Variants in CNTN5 observed in about 807,000 individuals in gnomAD.
The protein encoded by CNTN5 is contactin-5.
In CNTN5, 77 loss-of-function variants were observed where a neutral mutation model predicts 129.1. The observed-to-expected ratio is 0.60, with a 90% CI of 0.50 to 0.72. CNTN5 has a LOEUF of 0.72. CNTN5 is among the 30% of genes least tolerant of loss of function. The pLI, the probability that CNTN5 is intolerant of heterozygous loss-of-function variation, is 0.00. For missense variants in CNTN5, 1,478 were observed against 1,328.8 expected (o/e 1.11, Z -1.75); for synonymous variants, 509 against 465.6 (o/e 1.09, Z -1.20).
At chr11:100,298,230 A>G (rs886500442) in intron 19 of CNTN5, among the ~76,000 whole-genome samples, 4 of 151,508 alleles carry the variant, frequency 2.6e-5, no homozygotes, top group South Asian at 2.1e-4. Flanking sequence ...GAACAATGAG[A>G]AAGTATACAG....
intron 1 of CNTN5, among the ~76,000 whole-genome samples, chr11:99,209,914 A>G (rs974670576): frequency 6.6e-6 from 1 of 152,166 alleles, no homozygotes; most frequent in African/African-American, 2.4e-5. Flanking sequence ...AGACAGAGAA[A>G]TAGACTAAAT....
chr11:99,971,185 C>A (rs781178145), intron 8 of CNTN5, among the ~76,000 whole-genome samples: 1 of 152,164 alleles, frequency 6.6e-6, no homozygotes, highest in African/African-American at 2.4e-5. Context: ...ACATTTCACT[C>A]ACTACCCAGT....
chr11:100,208,207 A>C (rs1021608287), intron 15 of CNTN5, among the ~76,000 whole-genome samples: 1 of 152,218 alleles, frequency 6.6e-6, no homozygotes, highest in Non-Finnish European at 1.5e-5. Context: ...ACTACAAAAT[A>C]AACCTTGCAA....
intron 7 of CNTN5, among the ~76,000 whole-genome samples, chr11:99,920,732 T>C (rs1368177893): frequency 1.3e-5 from 2 of 152,188 alleles, no homozygotes; most frequent in Non-Finnish European, 2.9e-5. Flanking sequence ...GACAGCTCTC[T>C]TGGGCCTTAC....
chr11:100,041,406 G>A (rs1047189293), intron 9 of CNTN5, among the ~76,000 whole-genome samples: 10 of 152,112 alleles, frequency 6.6e-5, no homozygotes, highest in African/African-American at 2.2e-4. Context: ...CCAGGTCTAC[G>A]ACAAAGTCTA....
At chr11:99,287,979 C>T (rs1011706087) in intron 1 of CNTN5, among the ~76,000 whole-genome samples, 1 of 152,014 alleles carries the variant, frequency 6.6e-6, no homozygotes, top group Non-Finnish European at 1.5e-5. Flanking sequence ...TTTAATTCCA[C>T]ATTCTCAAGG....
intron 6 of CNTN5, among the ~76,000 whole-genome samples, chr11:99,903,170 T>C (rs1285083064): frequency 6.6e-6 from 1 of 152,042 alleles, no homozygotes; most frequent in African/African-American, 2.4e-5. Context: ...CCAGGACTAT[T>C]GTGAGTGCTC....
At chr11:99,251,476 C>CG (rs899106253) in intron 1 of CNTN5, among the ~76,000 whole-genome samples, 1 of 150,032 alleles carries the variant, frequency 6.7e-6, no homozygotes, top group African/African-American at 2.4e-5. Context: ...TCTTCCATAT[C>CG]TTTTTTTTTA....
intron 6 of CNTN5, among the ~76,000 whole-genome samples, chr11:99,848,629 T>C (rs1947777807): frequency 6.6e-6 from 1 of 152,202 alleles, no homozygotes; most frequent in Non-Finnish European, 1.5e-5. Flanking sequence ...GATACAGTAC[T>C]TATAATTCCA....
chr11:99,237,847 C>T (rs1050100151), intron 1 of CNTN5, among the ~76,000 whole-genome samples: 1 of 152,112 alleles, frequency 6.6e-6, no homozygotes, highest in Non-Finnish European at 1.5e-5. Context: ...TCTTACTTTA[C>T]TCTTGCATTT....
chr11:99,537,650 A>AT (rs1489495627), intron 2 of CNTN5, among the ~76,000 whole-genome samples: 3 of 152,174 alleles, frequency 2.0e-5, no homozygotes, highest in Non-Finnish European at 4.4e-5. Flanking sequence ...AAAAACTTCA[A>AT]TTAATGGGTT....
intron 3 of CNTN5, among the ~76,000 whole-genome samples, chr11:99,650,297 T>TG (rs1456174019): frequency 6.6e-6 from 1 of 151,886 alleles, no homozygotes; most frequent in Non-Finnish European, 1.5e-5. Flanking sequence ...GCAAATCTAA[T>TG]GGGGAGTCAG....
chr11:99,295,882 C>CAA (rs34180493), intron 1 of CNTN5, among the ~76,000 whole-genome samples: 734 of 46,126 alleles, frequency 0.016, 6 homozygotes, highest in African/African-American at 0.022. Flanking sequence ...GACTCCGTCT[C>CAA]AAAAAAAAAA....
At chr11:100,002,894 A>G (rs751070689) in intron 9 of CNTN5, among the ~76,000 whole-genome samples, 4 of 152,018 alleles carry the variant, frequency 2.6e-5, no homozygotes, top group Non-Finnish European at 4.4e-5. Flanking sequence ...TCTAGACACT[A>G]TAATTTGCAT....
chr11:99,657,939 C>T (rs773488214), intron 3 of CNTN5, among the ~76,000 whole-genome samples: 8 of 152,052 alleles, frequency 5.3e-5, no homozygotes, highest in Non-Finnish European at 5.9e-5. Flanking sequence ...CACTGAGGCC[C>T]ACTCTAATGG....
chr11:99,489,982 C>A (rs945708874), intron 2 of CNTN5, among the ~76,000 whole-genome samples: 1 of 152,124 alleles, frequency 6.6e-6, no homozygotes, highest in Non-Finnish European at 1.5e-5. Context: ...TGTTTAACAT[C>A]CATTTAACTC....
chr11:99,227,812 A>G (rs1246274714), intron 1 of CNTN5, among the ~76,000 whole-genome samples: 1 of 152,188 alleles, frequency 6.6e-6, no homozygotes, highest in Non-Finnish European at 1.5e-5. Flanking sequence ...TTTTCAATTC[A>G]GGGATATGTG....
At position 99,499,781 on chromosome 11, in the gene CNTN5, T is replaced by G. The variant is rs12417268; in HGVS notation, c.-70-56364T>G. Among the ~76,000 whole-genome samples the G allele has an allele frequency of 2.6e-3, 397 of 152,356 alleles. 2 individuals are homozygous for G. The East Asian group carries it at 0.034, about 13-fold the overall frequency. ...GAGATATTTATAATGTTTAATCAAT[T>G]GAACAGTTATATTTTTCAGGCCATA... On this transcript the variant is annotated intron_variant, in intron 2 of 24. Coordinates refer to ENST00000524871, the MANE Select transcript of CNTN5 (RefSeq NM_014361.4).
chr11:99,108,060 A>G (rs1466027517), intron 1 of CNTN5, among the ~76,000 whole-genome samples: 4 of 151,998 alleles, frequency 2.6e-5, no homozygotes, highest in Non-Finnish European at 4.4e-5. Flanking sequence ...CCTTTTTAGT[A>G]AGCTTAATTG....
Sources: gnomAD v4.1 joint callset for allele counts (sites outside exome capture counted in the v4.1 genomes callset) on GRCh38, gnomAD v4.1.1 for gene constraint, MANE v1.5 for transcripts, NCBI Gene and HGNC (gene_info 2026-07-23, HGNC 2026-07-21) for gene names.